The following GLIS1 variants were observed in gnomAD, a reference collection of about 807,000 sequenced individuals.
GLIS1 encodes GLIS family zinc finger 1.
A neutral mutation model predicts 63.8 loss-of-function variants in GLIS1; 24 were observed. The ratio of observed to expected loss-of-function variants is 0.38; its 90% CI spans 0.27 to 0.53. The LOEUF (loss-of-function observed/expected upper bound fraction) is 0.53. Among genes scored for constraint, GLIS1 ranks in the 20% least tolerant of loss-of-function variants. The probability of loss-of-function intolerance (pLI) is 0.85; values close to 1 mark genes in which losing one functional copy is unlikely to be tolerated. For synonymous variants in GLIS1, 450 were observed against 482.5 expected, an observed-to-expected ratio of 0.93 and a Z score of 0.88; for missense variants, 1,036 against 1,074.1, an observed-to-expected ratio of 0.96 and a Z score of 0.50.
In GLIS1 at chr1:53,506,539, T is replaced by A. The variant is rs566215270; in HGVS notation, c.*80A>T. On this transcript the variant is annotated 3_prime_UTR_variant, in exon 11 of 11. Coordinates refer to ENST00000628545, the MANE Select transcript of GLIS1 (RefSeq NM_001367484.1). ...GCTGTGGCCTGGCACTCCTGCTAGG[T>A]GCACGGAGGGTGGGAGCGACAGCAG... 11 of 1,456,070 alleles carry A rather than the reference T, an allele frequency of 7.6e-6. No homozygotes were observed. The East Asian group carries it at 1.6e-4, about 21-fold the overall frequency. The allele number at this position is 1,456,070 out of a possible 1,614,324, so 90.2% of individuals were successfully genotyped here.
intron 7 of GLIS1, among the ~76,000 whole-genome samples, chr1:53,517,007 C>T (rs1360870382): frequency 2.0e-5 from 3 of 152,142 alleles, no homozygotes; most frequent in Non-Finnish European, 4.4e-5. Context: ...ACTGTCTTTC[C>T]ACATTATCTA....
chr1:53,573,360 G>T lies in GLIS1; in HGVS notation c.1320+20748C>A, dbSNP rs532149966. Among the ~76,000 whole-genome samples, 4 of 152,102 alleles carry T rather than the reference G, an allele frequency of 2.6e-5. No individual in the cohort carries two copies. In the South Asian group the frequency reaches 8.3e-4, roughly 32 times the overall value. ...GGGGGAAGGACAGTGGCGGTGGGGG[G>T]AGACCCTCCACCCCCTCCAATTTAT... is the stretch of plus-strand genomic sequence containing the variant. On this transcript the variant is annotated intron_variant, in intron 4 of 10. Coordinates refer to ENST00000628545, the MANE Select transcript of GLIS1 (RefSeq NM_001367484.1).
At chr1:53,725,611 C>A (rs1473029017) in intron 2 of GLIS1, among the ~76,000 whole-genome samples, 1 of 152,170 alleles carries the variant, frequency 6.6e-6, no homozygotes, top group African/African-American at 2.4e-5. Context: ...CTGCGAGCTC[C>A]GAGGAGGCAA....
chr1:53,702,189 G>A (rs996309964), intron 2 of GLIS1, among the ~76,000 whole-genome samples: 2 of 152,104 alleles, frequency 1.3e-5, no homozygotes, highest in Non-Finnish European at 2.9e-5. Context: ...GCAGGGTGCT[G>A]TGGGGTCAGA....
chr1:53,674,428 G>A (rs569630873), intron 2 of GLIS1, among the ~76,000 whole-genome samples: 1 of 152,302 alleles, frequency 6.6e-6, no homozygotes, highest in Admixed American at 6.5e-5. Flanking sequence ...ACAGGAAAGT[G>A]TAAGAAACAC....
At position 53,704,477 on chromosome 1, in the gene GLIS1, C is replaced by T. The variant is rs1646556300; in HGVS notation, c.259+33329G>A. The stretch of plus-strand genomic sequence containing the variant: ...TCAGGGGGTCTTTTAATTCAGTGGA[C>T]TCCCCACCTTGCACCACACACAGCC... On this transcript the variant is annotated intron_variant, in intron 2 of 10. Coordinates refer to ENST00000628545, the MANE Select transcript of GLIS1 (RefSeq NM_001367484.1). 2.6e-5 allele frequency among the ~76,000 whole-genome samples: 4 copies of T among 152,284 alleles called. No individual in the cohort carries two copies. The South Asian group carries it at 8.3e-4, about 32-fold the overall frequency.
Position 53,506,775 on chromosome 1 carries a change from G to A in GLIS1, c.2232C>T (p.Gly744=). 1 of 1,608,800 alleles carries A rather than the reference G, an allele frequency of 6.2e-7. No homozygotes were observed. Among genetic ancestry groups the A allele is most frequent in the South Asian group, 1.1e-5 (1 of 91,058 alleles). ...HSLSTPLPAT[G]YEALAEASCP... is the part of the protein sequence containing the mutation. Reference sequence around the variant, plus strand: ...ATGAGGCCTCAGCCAGGGCCTCATAGCCTGTGAGTGGTTGGGAAAGGGTCA... The same window carrying A: ...ATGAGGCCTCAGCCAGGGCCTCATAACCTGTGAGTGGTTGGGAAAGGGTCA... The change falls in exon 11 of 11, where the codon GGC becomes GGT. Residue 744 remains glycine (G), a splice_region_variant and synonymous_variant. Transcript: ENST00000628545.
chr1:53,733,829 C>A, intron 2 of GLIS1: 1 of 811,312 alleles, frequency 1.2e-6, no homozygotes, highest in Non-Finnish European at 1.5e-6. Flanking sequence ...AGGACCAGCA[C>A]TTTAAAATGG....
intron 2 of GLIS1, among the ~76,000 whole-genome samples, chr1:53,703,547 G>A (rs985783275): frequency 1.1e-4 from 16 of 151,464 alleles, no homozygotes; most frequent in Non-Finnish European, 2.1e-4. Flanking sequence ...ACTGAGGCAG[G>A]AGGATTGTTT....
At chr1:53,616,530 C>T (rs1170969114) in intron 2 of GLIS1, among the ~76,000 whole-genome samples, 2 of 152,054 alleles carry the variant, frequency 1.3e-5, no homozygotes, top group African/African-American at 2.4e-5. Context: ...CAAAAATATA[C>T]AAAGTGTAAG....
At position 53,708,581 on chromosome 1, in the gene GLIS1, T is replaced by TCG. The variant is rs1017244123; in HGVS notation, c.259+29223_259+29224dup. On this transcript the variant is annotated intron_variant, in intron 2 of 10. Coordinates refer to ENST00000628545, the MANE Select transcript of GLIS1 (RefSeq NM_001367484.1). ...GGGCTGAGTGTGCACGGGACTGGTG[T>TCG]CGCCTAGCAAGTCAGCAGCCAGGCT... Among the ~76,000 whole-genome samples the TCG allele has an allele frequency of 1.4e-4, 21 of 152,242 alleles. 1 individual carries two copies. The highest frequency in any genetic ancestry group is 5.1e-4 in the African/African-American group (21 of 41,548).
chr1:53,707,742 A>G (rs1646595451), intron 2 of GLIS1, among the ~76,000 whole-genome samples: 1 of 151,848 alleles, frequency 6.6e-6, no homozygotes, highest in South Asian at 2.1e-4. Context: ...TTGTACAGAT[A>G]GGGTCTCAGT....
Position 53,600,256 on chromosome 1 carries a change from ACGGT to A in GLIS1, c.278_281del (p.His93LeufsTer62). 1 of 1,232,068 alleles carries A rather than the reference ACGGT, an allele frequency of 8.1e-7. No individual in the cohort carries two copies. Among genetic ancestry groups the A allele is most frequent in the Non-Finnish European group, 1.0e-6 (1 of 987,890 alleles). 76.3% of individuals were successfully genotyped at this position (1,232,068 alleles called of 1,614,324 possible). On this transcript the variant is annotated frameshift_variant, in exon 3 of 11. Transcript: ENST00000628545. LOFTEE classifies it high-confidence loss of function. ...GCAGGCTCTTCTCTGAGCCCGGGGT[ACGGT>A]GTCCGTAGCTCCCATTCACTAGGCA...
At chr1:53,571,857 C>T (rs1476817606) in intron 4 of GLIS1, among the ~76,000 whole-genome samples, 3 of 152,156 alleles carry the variant, frequency 2.0e-5, no homozygotes, top group African/African-American at 4.8e-5. Flanking sequence ...GGATTACAGG[C>T]GTGAGCCACC....
chr1:53,735,458 A>G (rs1646903527), intron 2 of GLIS1, among the ~76,000 whole-genome samples: 2 of 152,242 alleles, frequency 1.3e-5, no homozygotes, highest in African/African-American at 4.8e-5. Flanking sequence ...AGAATGTGAA[A>G]CAGGTTACAG....
At chr1:53,523,834 T>G (rs1447103952) in intron 6 of GLIS1, among the ~76,000 whole-genome samples, 1 of 152,174 alleles carries the variant, frequency 6.6e-6, no homozygotes, top group African/African-American at 2.4e-5. Flanking sequence ...CTGCTCTGCT[T>G]AAGACCTCTC....
chr1:53,688,084 C>T (rs11206190), intron 2 of GLIS1, among the ~76,000 whole-genome samples: 17,659 of 152,236 alleles, frequency 0.12, 1,210 homozygotes, highest in East Asian at 0.23. Context: ...CAGACTGGCC[C>T]TGCCCCAGCG....
intron 2 of GLIS1, among the ~76,000 whole-genome samples, chr1:53,710,530 G>A (rs559518464): frequency 1.3e-5 from 2 of 152,252 alleles, no homozygotes; most frequent in African/African-American, 4.8e-5. Flanking sequence ...CACACACCCT[G>A]TTGCTTACAA....
intron 4 of GLIS1, among the ~76,000 whole-genome samples, chr1:53,544,251 T>C (rs1433243716): frequency 6.6e-6 from 1 of 152,210 alleles, no homozygotes; most frequent in Non-Finnish European, 1.5e-5. Context: ...TGCATTGCAC[T>C]TGGGCCCAGT....
Sources: gnomAD v4.1 joint callset for allele counts (sites outside exome capture counted in the v4.1 genomes callset) on GRCh38, gnomAD v4.1.1 for gene constraint, MANE v1.5 for transcripts, NCBI Gene and HGNC (gene_info 2026-07-23, HGNC 2026-07-21) for gene names.